The following ADAMTSL1 variants were observed in gnomAD, a reference collection of about 807,000 sequenced individuals.
The protein encoded by ADAMTSL1 is ADAMTS like 1.
In ADAMTSL1, 126 loss-of-function variants were observed where a neutral mutation model predicts 201.8. The observed-to-expected ratio is 0.62, with a 90% CI of 0.54 to 0.72. ADAMTSL1 has a LOEUF of 0.72. ADAMTSL1 is among the 30% of genes least tolerant of loss of function. ADAMTSL1 has a pLI of 0.00. For synonymous variants in ADAMTSL1, 1,121 were observed against 903.4 expected (o/e 1.24, Z -4.32); for missense variants, 2,679 against 2,277.8 (o/e 1.18, Z -3.59).
chr9:18,043,004 A>G (rs1265867232), intron 1 of ADAMTSL1, among the ~76,000 whole-genome samples: 1 of 152,132 alleles, frequency 6.6e-6, no homozygotes, highest in Non-Finnish European at 1.5e-5. Context: ...TTAAATGAAG[A>G]CTCCTTTGTA....
chr9:18,394,167 T>TTG (rs34844101), intron 2 of ADAMTSL1, among the ~76,000 whole-genome samples: 29,075 of 151,604 alleles, frequency 0.19, 2,817 homozygotes, highest in South Asian at 0.29. Flanking sequence ...AGAACAAGGA[T>TTG]TTTTTTTTAA....
chr9:18,864,215 A>G (rs1827372721), intron 23 of ADAMTSL1, among the ~76,000 whole-genome samples: 2 of 152,170 alleles, frequency 1.3e-5, no homozygotes, highest in African/African-American at 4.8e-5. Flanking sequence ...CAGTCCATTT[A>G]CAGCTTTTAC....
Position 18,843,503 on chromosome 9 carries a change from A to C in ADAMTSL1, c.4249+13526A>C, listed in dbSNP as rs62549153. ...CATTTCAACTTTGGTGAATCTGACA[A>C]TTATGTGTCTTGGAGTTGCTCTTCT... On this transcript the variant is annotated intron_variant, in intron 23 of 28. Transcript: ENST00000380548. Among the ~76,000 whole-genome samples the C allele has an allele frequency of 7.7e-3, 1,153 of 150,562 alleles. 101 individuals carry two copies. Among genetic ancestry groups the C allele is most frequent in the African/African-American group, 0.026 (1,027 of 39,972 alleles).
intron 4 of ADAMTSL1, among the ~76,000 whole-genome samples, chr9:18,607,225 A>T (rs1369573457): frequency 6.6e-6 from 1 of 152,238 alleles, no homozygotes; most frequent in Non-Finnish European, 1.5e-5. Flanking sequence ...TCACTGGAAC[A>T]TGCCTGCACC....
At chr9:18,647,269 C>T (rs1465389409) in intron 7 of ADAMTSL1, among the ~76,000 whole-genome samples, 2 of 151,766 alleles carry the variant, frequency 1.3e-5, no homozygotes, top group Non-Finnish European at 2.9e-5. Context: ...CTATTTGATT[C>T]TTCTCTCTTT....
At chr9:18,767,734 C>T (rs539485670) in intron 16 of ADAMTSL1, among the ~76,000 whole-genome samples, 90 of 152,262 alleles carry the variant, frequency 5.9e-4, no homozygotes, top group Middle Eastern at 3.4e-3. Context: ...GAAGTGAAAT[C>T]CTTTAATGTC....
chr9:18,040,325 T>A (rs139532570), intron 1 of ADAMTSL1, among the ~76,000 whole-genome samples: 1 of 152,308 alleles, frequency 6.6e-6, no homozygotes, highest in East Asian at 1.9e-4. Context: ...AAAGCCCTTT[T>A]GGACATGAGC....
intron 4 of ADAMTSL1, among the ~76,000 whole-genome samples, chr9:18,597,182 A>C (rs1170801075): frequency 2.6e-5 from 4 of 152,162 alleles, no homozygotes; most frequent in African/African-American, 9.7e-5. Flanking sequence ...TCCCTAAAAC[A>C]CATAAATTAT....
intron 2 of ADAMTSL1, among the ~76,000 whole-genome samples, chr9:18,468,501 G>A (rs529079092): frequency 8.6e-5 from 13 of 151,978 alleles, no homozygotes; most frequent in Non-Finnish European, 1.9e-4. Flanking sequence ...ACTTGTATCA[G>A]GCTCTGAGCT....
At chr9:18,368,824 C>T (rs1836904739) in intron 2 of ADAMTSL1, among the ~76,000 whole-genome samples, 1 of 152,086 alleles carries the variant, frequency 6.6e-6, no homozygotes, top group Admixed American at 6.5e-5. Flanking sequence ...TTGTAGACAT[C>T]AAGTAATGAA....
At chr9:18,447,397 G>A (rs1820233273) in intron 2 of ADAMTSL1, among the ~76,000 whole-genome samples, 6 of 152,148 alleles carry the variant, frequency 3.9e-5, no homozygotes, top group Admixed American at 3.3e-4. Context: ...GTGCCGGTAG[G>A]ACTGGCTTCA....
At chr9:18,179,631 G>A (rs1334626386) in intron 2 of ADAMTSL1, among the ~76,000 whole-genome samples, 2 of 152,076 alleles carry the variant, frequency 1.3e-5, no homozygotes, top group South Asian at 2.1e-4. Flanking sequence ...AGAGAGAAAG[G>A]TGGGTTACCC....
intron 2 of ADAMTSL1, among the ~76,000 whole-genome samples, chr9:18,438,447 C>A (rs1337128353): frequency 6.6e-6 from 1 of 152,150 alleles, no homozygotes; most frequent in Non-Finnish European, 1.5e-5. Flanking sequence ...AAGGCGGCCT[C>A]CCAGCCCCTC....
intron 16 of ADAMTSL1, among the ~76,000 whole-genome samples, chr9:18,768,761 A>C (rs937348587): frequency 4.6e-5 from 7 of 152,182 alleles, no homozygotes; most frequent in Non-Finnish European, 1.0e-4. Flanking sequence ...TCACAACTGC[A>C]AACAAAAGGC....
intron 3 of ADAMTSL1, among the ~76,000 whole-genome samples, chr9:18,536,440 TC>T (rs1243060941): frequency 3.0e-5 from 4 of 133,986 alleles, no homozygotes; most frequent in African/African-American, 1.1e-4. Context: ...CTCCCCAGTT[TC>T]CCTTTTTTTT....
intron 2 of ADAMTSL1, among the ~76,000 whole-genome samples, chr9:18,275,444 C>A (rs1474912302): frequency 1.3e-5 from 2 of 152,178 alleles, no homozygotes; most frequent in African/African-American, 4.8e-5. Flanking sequence ...TATCACCAAC[C>A]ACAGTCAAGT....
chr9:18,542,165 T>C (rs1448397424), intron 3 of ADAMTSL1, among the ~76,000 whole-genome samples: 1 of 152,202 alleles, frequency 6.6e-6, no homozygotes, highest in Non-Finnish European at 1.5e-5. Context: ...TATTCCTGTA[T>C]TTGTAGTATA....
chr9:18,901,288 C>T (rs1588349910), intron 26 of ADAMTSL1, among the ~76,000 whole-genome samples: 1 of 152,100 alleles, frequency 6.6e-6, no homozygotes, highest in African/African-American at 2.4e-5. Context: ...GATTACAAGA[C>T]ATATTAAATG....
intron 2 of ADAMTSL1, among the ~76,000 whole-genome samples, chr9:18,365,343 A>G (rs1189132316): frequency 2.0e-5 from 3 of 152,166 alleles, no homozygotes; most frequent in Non-Finnish European, 4.4e-5. Flanking sequence ...ATAACAATTC[A>G]AAAGCAGCAC....
Sources: gnomAD v4.1 joint callset for allele counts (sites outside exome capture counted in the v4.1 genomes callset) on GRCh38, gnomAD v4.1.1 for gene constraint, MANE v1.5 for transcripts, NCBI Gene and HGNC (gene_info 2026-07-23, HGNC 2026-07-21) for gene names.